The following SWAP70 variants were observed in gnomAD, a reference collection of about 807,000 sequenced individuals.
SWAP70 encodes switch-associated protein 70.
Under a neutral mutation model 80.2 loss-of-function variants are expected in SWAP70, and 34 were observed. The ratio of observed to expected loss-of-function variants is 0.42; its 90% confidence interval spans 0.32 to 0.56. The LOEUF is 0.56. SWAP70 is among the 20% of genes least tolerant of loss of function. SWAP70 has a pLI of 0.09. For synonymous variants in SWAP70, 239 were observed against 238.5 expected (o/e 1.00, Z -0.02); for missense variants, 578 against 690.7 (o/e 0.84, Z 1.83).
rs1308778531 is a variant in SWAP70 at position 9,728,112 on chromosome 11, A to G, written c.702A>G (p.Leu234=). The G allele has an allele frequency of 6.2e-7, 1 of 1,613,274 alleles. No individual in the cohort carries two copies. Among genetic ancestry groups the G allele is most frequent in the African/African-American group, 1.3e-5 (1 of 74,924 alleles). Residue 234 remains leucine (L), a synonymous_variant, in exon 5 of 12, where the codon CTA becomes CTG. Transcript: ENST00000318950. The stretch of plus-strand genomic sequence containing the variant: ...ACTGGACTGAAAGATGGTTTGTACT[A>G]AAACCCAACATAATTTCTTACTATG... ...RKNWTERWFV[L]KPNIISYYVS...
intron 2 of SWAP70, among the ~76,000 whole-genome samples, chr11:9,696,824 T>G (rs536841636): frequency 8.5e-5 from 13 of 152,320 alleles, no homozygotes; most frequent in African/African-American, 2.6e-4. Flanking sequence ...TTCTTACTAT[T>G]TTTATCATTT....
rs550260792 is a variant in SWAP70, at chr11:9,738,213, A to G, written c.1081A>G (p.Lys361Glu). The G allele has an allele frequency of 3.0e-4, 489 of 1,604,540 alleles. 13 individuals are homozygous for G. The South Asian group carries it at 5.3e-3, about 17-fold the overall frequency. ...KQQELEAVRK[K>E]LEEAASRAAE... ...TGTGGATGGGTTTTTGATTGGCTAG[A>G]AACTGGAGGAAGCAGCATCTCGTGC... The change falls in exon 8 of 12, where the codon AAA (lysine) becomes GAA (glutamate). Residue 361 changes from lysine (K) to glutamate (E), a missense_variant and splice_region_variant. Lys to Glu is a moderately conservative substitution (Grantham distance 56). Transcript: ENST00000318950.
chr11:9,732,581 A>G lies in SWAP70; in HGVS notation c.951A>G (p.Lys317=), dbSNP rs1255057980. ...AGCTGGGCAGCCCTCCACCACACAAAGAAGCCCGCCAGCGTCGGAAAGAAC... is the reference window on the plus strand; with the variant it reads ...AGCTGGGCAGCCCTCCACCACACAAGGAAGCCCGCCAGCGTCGGAAAGAAC... ...LLKLGSPPPH[K]EARQRRKELR... is the part of the protein sequence containing the mutation. Residue 317 remains lysine, a synonymous_variant, in exon 7 of 12, where the codon AAA becomes AAG. Coordinates refer to ENST00000318950, the MANE Select transcript of SWAP70 (RefSeq NM_015055.4). 6.2e-7 allele frequency: 1 copy of G among 1,605,296 alleles called. No homozygotes were observed. The highest frequency in any genetic ancestry group is 8.5e-7 in the Non-Finnish European group (1 of 1,175,024).
intron 1 of SWAP70, among the ~76,000 whole-genome samples, chr11:9,666,276 G>C (rs1263153204): frequency 1.3e-5 from 2 of 151,822 alleles, no homozygotes; most frequent in Non-Finnish European, 2.9e-5. Context: ...AGTAGAAACG[G>C]GGTTTCACCA....
chr11:9,739,108 A>T (rs981240802), intron 8 of SWAP70, among the ~76,000 whole-genome samples: 5 of 152,228 alleles, frequency 3.3e-5, no homozygotes, highest in Non-Finnish European at 5.9e-5. Flanking sequence ...AATTGTGAGA[A>T]CATCTAGAGT....
rs758146962 is a variant in SWAP70 at position 9,713,495 on chromosome 11, C to G, written c.270C>G (p.Phe90Leu). ...AAGACAACTTTGACAAGATTGAATTCAATAGGATGTGTTGGACCCTCTGTG... is the reference window on the plus strand; with the variant it reads ...AAGACAACTTTGACAAGATTGAATTGAATAGGATGTGTTGGACCCTCTGTG... ...KVQDNFDKIEFNRMCWTLCVK... is the reference protein window; with the variant it reads ...KVQDNFDKIELNRMCWTLCVK... Residue 90 changes from phenylalanine (F) to leucine (L), a missense_variant, in exon 3 of 12, where the codon TTC becomes TTG. Physicochemically the swap from Phe to Leu is conservative, Grantham distance 22 (BLOSUM62 0). Transcript: ENST00000318950. 2.5e-6 allele frequency: 4 copies of G among 1,612,642 alleles called. No homozygotes were observed. In the Admixed American group the frequency reaches 6.7e-5, roughly 27 times the overall value.
intron 7 of SWAP70, among the ~76,000 whole-genome samples, chr11:9,737,894 CAAAT>C (rs551367108): frequency 2.6e-5 from 4 of 152,038 alleles, no homozygotes; most frequent in African/African-American, 7.2e-5. Flanking sequence ...GACTCAGTCT[CAAAT>C]AAATAAATAA....
chr11:9,691,895 C>A (rs1043217741), intron 1 of SWAP70, among the ~76,000 whole-genome samples: 2 of 152,128 alleles, frequency 1.3e-5, no homozygotes, highest in African/African-American at 4.8e-5. Context: ...TTGGATTAAT[C>A]AGCTACTTTT....
chr11:9,673,961 A>G (rs1302906501), intron 1 of SWAP70, among the ~76,000 whole-genome samples: 1 of 152,110 alleles, frequency 6.6e-6, no homozygotes, highest in Non-Finnish European at 1.5e-5. Context: ...GTGCAATGGC[A>G]TGATCTTGGC....
At chr11:9,671,577 AATATATTTCT>A (rs1243067767) in intron 1 of SWAP70, among the ~76,000 whole-genome samples, 22 of 51,074 alleles carry the variant, frequency 4.3e-4, no homozygotes, top group African/African-American at 6.5e-4. Context: ...TTTATATAGA[AATATATTTCT>A]ATATATAAAT....
intron 2 of SWAP70, among the ~76,000 whole-genome samples, chr11:9,708,839 G>A (rs1422822722): frequency 6.6e-6 from 1 of 152,180 alleles, no homozygotes; most frequent in Admixed American, 6.5e-5. Flanking sequence ...TCCCATAGAT[G>A]GCATTCATCC....
intron 9 of SWAP70, among the ~76,000 whole-genome samples, chr11:9,746,121 C>G (rs1851509279): frequency 6.6e-6 from 1 of 152,182 alleles, no homozygotes; most frequent in African/African-American, 2.4e-5. Flanking sequence ...CTTCTTTGTG[C>G]CAGGTGCTTC....
chr11:9,708,998 T>C (rs528175236), intron 2 of SWAP70, among the ~76,000 whole-genome samples: 12 of 146,164 alleles, frequency 8.2e-5, no homozygotes, highest in Admixed American at 5.4e-4. Context: ...CGTGAATTTC[T>C]GGGCTCAAAT....
In SWAP70 at chr11:9,729,338, T is replaced by G. The variant is rs909418351; in HGVS notation, c.790-5T>G. On this transcript the variant is annotated splice_region_variant and splice_polypyrimidine_tract_variant and intron_variant, in intron 5 of 11. Transcript: ENST00000318950. ...TTGAGGAACTAATTTTGCTTTCTGTTTTAGTCCTTGCCTGACAAAGATGGA... is the reference window on the plus strand; with the variant it reads ...TTGAGGAACTAATTTTGCTTTCTGTGTTAGTCCTTGCCTGACAAAGATGGA... 6.2e-7 allele frequency: 1 copy of G among 1,601,126 alleles called. No homozygotes were observed. The highest frequency in any genetic ancestry group is 1.3e-5 in the African/African-American group (1 of 74,240).
At chr11:9,705,123 T>C (rs1485452756) in intron 2 of SWAP70, among the ~76,000 whole-genome samples, 2 of 90,810 alleles carry the variant, frequency 2.2e-5, no homozygotes, top group African/African-American at 7.3e-5. Flanking sequence ...CTGTATACAC[T>C]TGGTGATCTG....
chr11:9,735,969 T>C (rs184813303), intron 7 of SWAP70, among the ~76,000 whole-genome samples: 3 of 152,314 alleles, frequency 2.0e-5, no homozygotes, highest in Admixed American at 2.0e-4. Context: ...TTTTTTTCCC[T>C]CTTCTGATAC....
At chr11:9,693,085 C>T (rs771502142) in intron 1 of SWAP70, among the ~76,000 whole-genome samples, 6 of 152,108 alleles carry the variant, frequency 3.9e-5, no homozygotes, top group East Asian at 1.9e-4. Context: ...AAAAGGGACT[C>T]GCTTAATGCA....
At chr11:9,695,890 G>C (rs139669927) in intron 2 of SWAP70, among the ~76,000 whole-genome samples, 5 of 151,924 alleles carry the variant, frequency 3.3e-5, no homozygotes, top group African/African-American at 1.2e-4. Context: ...TGACCTCCTC[G>C]GGCTCAGGTG....
At chr11:9,677,181 G>A (rs1474452733) in intron 1 of SWAP70, among the ~76,000 whole-genome samples, 1 of 151,900 alleles carries the variant, frequency 6.6e-6, no homozygotes, top group East Asian at 1.9e-4. Context: ...AAGTCATAAT[G>A]GAAATAGGAA....
Sources: allele counts gnomAD v4.1 joint callset (sites outside exome capture counted in the v4.1 genomes callset), GRCh38; gene constraint gnomAD v4.1.1; transcripts MANE v1.5; gene names NCBI Gene and HGNC (gene_info 2026-07-23, HGNC 2026-07-21).